The following KHDRBS2 variants were observed in gnomAD, a reference collection of about 807,000 sequenced individuals.
The protein encoded by KHDRBS2 is KH domain-containing, RNA-binding, signal transduction-associated protein 2.
KHDRBS2 carries 26 observed loss-of-function variants against 44.3 expected under a neutral mutation model. The ratio of observed to expected loss-of-function variants is 0.59; its 90% CI spans 0.43 to 0.81. The LOEUF is 0.81. Ranked by LOEUF, KHDRBS2 falls within the 40% of genes least tolerant of loss-of-function variation. The pLI is 0.00. For synonymous variants in KHDRBS2, 194 were observed against 151.1 expected (o/e 1.28, Z -2.08); for missense variants, 476 against 433.1 (o/e 1.10, Z -0.88).
chr6:61,553,820 C>T, the KHDRBS2 span, among the ~76,000 whole-genome samples: 1 of 152,084 alleles, frequency 6.6e-6, no homozygotes, highest in Non-Finnish European at 1.5e-5. Context: ...CAGGGACTTT[C>T]TTAGTACTGA....
intron 4 of KHDRBS2, among the ~76,000 whole-genome samples, chr6:61,942,548 A>G (rs546866541): frequency 1.3e-5 from 2 of 152,132 alleles, no homozygotes; most frequent in African/African-American, 4.8e-5. Flanking sequence ...AAGAATAAAA[A>G]AGAAAAAGCA....
chr6:61,603,299 C>G, the KHDRBS2 span, among the ~76,000 whole-genome samples: 3 of 152,156 alleles, frequency 2.0e-5, no homozygotes, highest in Admixed American at 6.5e-5. Flanking sequence ...CCCATATACT[C>G]TCCTACCCTC....
At chr6:61,704,697 C>T (rs558861802) in intron 7 of KHDRBS2, among the ~76,000 whole-genome samples, 6 of 151,758 alleles carry the variant, frequency 4.0e-5, no homozygotes, top group Non-Finnish European at 8.8e-5. Context: ...GGTCACTCTG[C>T]GGGCAGTGTC....
At chr6:61,636,507 C>T in the KHDRBS2 span, among the ~76,000 whole-genome samples, 3 of 152,084 alleles carry the variant, frequency 2.0e-5, no homozygotes, top group Non-Finnish European at 4.4e-5. Flanking sequence ...GTATATAGGA[C>T]TTTCCATCTA....
chr6:61,615,351 ATAT>A, the KHDRBS2 span, among the ~76,000 whole-genome samples: 1 of 152,128 alleles, frequency 6.6e-6, no homozygotes, highest in Non-Finnish European at 1.5e-5. Flanking sequence ...CATTAAATAA[ATAT>A]TATTATTTGG....
chr6:61,580,371 C>T, the KHDRBS2 span, among the ~76,000 whole-genome samples: 4 of 152,070 alleles, frequency 2.6e-5, no homozygotes, highest in Admixed American at 6.6e-5. Flanking sequence ...ATGGACCAAT[C>T]GGCACTCTGT....
intron 4 of KHDRBS2, among the ~76,000 whole-genome samples, chr6:61,940,310 A>G (rs1003758306): frequency 6.6e-6 from 1 of 152,160 alleles, no homozygotes; most frequent in Non-Finnish European, 1.5e-5. Flanking sequence ...GCTGGAAGCC[A>G]AGAGACACTT....
intron 2 of KHDRBS2, among the ~76,000 whole-genome samples, chr6:62,175,770 G>C (rs1163784705): frequency 6.6e-6 from 1 of 151,404 alleles, no homozygotes; most frequent in South Asian, 2.1e-4. Context: ...TCTTATTTCG[G>C]TATTCATCAT....
At chr6:61,553,211 T>G in the KHDRBS2 span, among the ~76,000 whole-genome samples, 1 of 152,250 alleles carries the variant, frequency 6.6e-6, no homozygotes, top group African/African-American at 2.4e-5. Context: ...GGATTCAATT[T>G]ATTCCTGGTT....
chr6:61,731,058 G>GA (rs1411492924), intron 7 of KHDRBS2, among the ~76,000 whole-genome samples: 2 of 151,994 alleles, frequency 1.3e-5, no homozygotes, highest in Non-Finnish European at 1.5e-5. Context: ...TTCTAATTGT[G>GA]TTTGTCGAGT....
intron 2 of KHDRBS2, among the ~76,000 whole-genome samples, chr6:62,102,550 G>A (rs1802144421): frequency 6.6e-6 from 1 of 152,166 alleles, no homozygotes; most frequent in Non-Finnish European, 1.5e-5. Flanking sequence ...GATGAGTGGG[G>A]TGGCAGGAAA....
chr6:61,967,579 G>A (rs113612657), intron 4 of KHDRBS2, among the ~76,000 whole-genome samples: 39 of 151,992 alleles, frequency 2.6e-4, no homozygotes, highest in Non-Finnish European at 4.7e-4. Context: ...AGATTCAGAG[G>A]AGTCCCAAAC....
chr6:61,774,825 A>G (rs1334128679), intron 6 of KHDRBS2, among the ~76,000 whole-genome samples: 1 of 152,180 alleles, frequency 6.6e-6, no homozygotes, highest in Non-Finnish European at 1.5e-5. Flanking sequence ...AAAGCCTGGC[A>G]GAGACACAAC....
intron 2 of KHDRBS2, among the ~76,000 whole-genome samples, chr6:62,083,771 A>T (rs1356577370): frequency 1.3e-5 from 2 of 152,188 alleles, no homozygotes; most frequent in East Asian, 3.8e-4. Flanking sequence ...CGTTTCAAAA[A>T]GTATCCTGAA....
chr6:62,218,683 T>C (rs1302634486), intron 1 of KHDRBS2, among the ~76,000 whole-genome samples: 1 of 151,874 alleles, frequency 6.6e-6, no homozygotes, highest in Non-Finnish European at 1.5e-5. Context: ...GGTATCTATC[T>C]GAAGGAAGTC....
intron 6 of KHDRBS2, among the ~76,000 whole-genome samples, chr6:61,775,298 C>T (rs909214947): frequency 6.6e-6 from 1 of 152,066 alleles, no homozygotes; most frequent in African/African-American, 2.4e-5. Context: ...CCAGGGCAAT[C>T]AAGCAGCAGA....
intron 3 of KHDRBS2, among the ~76,000 whole-genome samples, chr6:61,978,590 G>A (rs1457334155): frequency 6.6e-6 from 1 of 152,048 alleles, no homozygotes; most frequent in Non-Finnish European, 1.5e-5. Context: ...GATGGTAAGT[G>A]AAAGATTATC....
the KHDRBS2 span, among the ~76,000 whole-genome samples, chr6:61,603,327 C>A: frequency 3.3e-5 from 5 of 152,172 alleles, no homozygotes; most frequent in Non-Finnish European, 5.9e-5. Context: ...CCCTCCACAA[C>A]CCATTATTCT....
the KHDRBS2 span, among the ~76,000 whole-genome samples, chr6:61,670,087 G>T: frequency 2.0e-5 from 3 of 151,194 alleles, no homozygotes; most frequent in South Asian, 4.2e-4. Flanking sequence ...TGAGGAGTAG[G>T]ATTATACATT....
Sources: gnomAD v4.1 joint callset for allele counts (sites outside exome capture counted in the v4.1 genomes callset) on GRCh38, gnomAD v4.1.1 for gene constraint, MANE v1.5 for transcripts, NCBI Gene and HGNC (gene_info 2026-07-23, HGNC 2026-07-21) for gene names.